Variants in CWC27 observed in about 807,000 individuals in gnomAD.
CWC27 encodes the protein spliceosome-associated protein CWC27 homolog.
Under a neutral mutation model 63.6 loss-of-function variants are expected in CWC27, and 47 were observed. That is an observed-to-expected ratio of 0.74 (90% confidence interval 0.58 to 0.94). The LOEUF is 0.94. Among genes scored for constraint, CWC27 ranks in the 40% least tolerant of loss-of-function variants. The pLI is 0.00. For missense variants in CWC27, 495 were observed against 554.3 expected, an observed-to-expected ratio of 0.89 and a Z score of 1.07; for synonymous variants, 175 against 179.8, an observed-to-expected ratio of 0.97 and a Z score of 0.22.
At chr5:64,821,932 C>A (rs768720753) in intron 10 of CWC27, among the ~76,000 whole-genome samples, 1 of 152,120 alleles carries the variant, frequency 6.6e-6, no homozygotes, top group African/African-American at 2.4e-5. Flanking sequence ...AGTTTGATAT[C>A]CTGATAACTG....
chr5:64,803,595 C>A (rs77889539), intron 9 of CWC27, among the ~76,000 whole-genome samples: 4,170 of 152,092 alleles, frequency 0.027, 197 homozygotes, highest in African/African-American at 0.095. Context: ...GAGCAAAGAT[C>A]TGAAGGAGAT....
chr5:64,942,438 TAAAAA>T (rs35936421), intron 11 of CWC27, among the ~76,000 whole-genome samples: 1 of 96,550 alleles, frequency 1.0e-5, no homozygotes, highest in African/African-American at 4.3e-5. Flanking sequence ...CCTATCTCTT[TAAAAA>T]AAAAAAAAAA....
At chr5:64,866,890 A>G (rs550196674) in intron 10 of CWC27, among the ~76,000 whole-genome samples, 3 of 152,236 alleles carry the variant, frequency 2.0e-5, no homozygotes, top group African/African-American at 4.8e-5. Context: ...AAAGTGTTCT[A>G]TAGATTAGAG....
At chr5:64,894,982 A>T (rs1216866365) in intron 11 of CWC27, among the ~76,000 whole-genome samples, 1 of 152,202 alleles carries the variant, frequency 6.6e-6, no homozygotes, top group Non-Finnish European at 1.5e-5. Context: ...CATTTCCATC[A>T]GTGGGCTACA....
At chr5:64,994,468 G>A (rs192972781) in intron 13 of CWC27, among the ~76,000 whole-genome samples, 189 of 152,168 alleles carry the variant, frequency 1.2e-3, no homozygotes, top group African/African-American at 4.3e-3. Context: ...TCCTGCATCA[G>A]GTAGGCTTTT....
chr5:64,903,228 A>T (rs963656380), intron 11 of CWC27, among the ~76,000 whole-genome samples: 2 of 152,220 alleles, frequency 1.3e-5, no homozygotes, highest in African/African-American at 4.8e-5. Context: ...ATGCACACGT[A>T]TGTTTATTGC....
At chr5:64,925,457 G>A (rs144364749) in intron 11 of CWC27, among the ~76,000 whole-genome samples, 492 of 152,228 alleles carry the variant, frequency 3.2e-3, no homozygotes, top group African/African-American at 8.0e-3. Context: ...AAGAATGTTC[G>A]CCTTAGTCCT....
intron 7 of CWC27, among the ~76,000 whole-genome samples, chr5:64,796,807 C>A (rs1363346982): frequency 8.7e-6 from 1 of 114,308 alleles, no homozygotes; most frequent in African/African-American, 3.6e-5. Context: ...TTCCCTCCCT[C>A]CCTCCCTCCT....
At chr5:64,882,998 A>G (rs1746982676) in intron 10 of CWC27, among the ~76,000 whole-genome samples, 2 of 152,238 alleles carry the variant, frequency 1.3e-5, no homozygotes, top group African/African-American at 4.8e-5. Context: ...GGGGTAATTT[A>G]TAAAGAAAAG....
intron 13 of CWC27, among the ~76,000 whole-genome samples, chr5:65,006,584 C>T (rs946383787): frequency 6.6e-6 from 1 of 151,920 alleles, no homozygotes; most frequent in African/African-American, 2.4e-5. Context: ...TTCTAGAATA[C>T]TTAATTTTTG....
At chr5:64,983,920 T>TC (rs1749372442) in intron 13 of CWC27, among the ~76,000 whole-genome samples, 1 of 152,168 alleles carries the variant, frequency 6.6e-6, no homozygotes, top group African/African-American at 2.4e-5. Flanking sequence ...AACCTGTGCC[T>TC]CCCCAGGTTC....
At chr5:65,008,693 G>T (rs1749892449) in intron 13 of CWC27, among the ~76,000 whole-genome samples, 1 of 152,150 alleles carries the variant, frequency 6.6e-6, no homozygotes, top group South Asian at 2.1e-4. Flanking sequence ...TGCCTCTTAG[G>T]ATTGTCCTAC....
Position 64,801,160 on chromosome 5 carries a change from A to G in CWC27, c.750-142A>G, listed in dbSNP as rs908432372. 155 of 766,570 alleles carry G rather than the reference A, an allele frequency of 2.0e-4. 1 individual carries two copies. The South Asian group carries it at 2.5e-3, about 12-fold the overall frequency. The allele number at this position is 766,570 out of a possible 1,614,324, so 47.5% of individuals were successfully genotyped here. On this transcript the variant is annotated intron_variant, in intron 8 of 13. Transcript: ENST00000381070. Reference sequence around the variant, plus strand: ...TCTAAAGAATGTTTCCATCTGTTCTATAATGCCTTTCTTAAATTCCTATGT... The same window carrying G: ...TCTAAAGAATGTTTCCATCTGTTCTGTAATGCCTTTCTTAAATTCCTATGT...
chr5:64,824,802 G>A (rs1054271402), intron 10 of CWC27, among the ~76,000 whole-genome samples: 1 of 138,306 alleles, frequency 7.2e-6, no homozygotes, highest in South Asian at 2.3e-4. Context: ...GTGCGACCTC[G>A]GCTCACTGCA....
At chr5:64,955,980 C>A (rs1748795475) in intron 11 of CWC27, among the ~76,000 whole-genome samples, 1 of 152,054 alleles carries the variant, frequency 6.6e-6, no homozygotes, top group Non-Finnish European at 1.5e-5. Context: ...CTAAGGAATG[C>A]TTTGTTCACT....
At chr5:64,885,332 A>G in intron 10 of CWC27, 111 bp from the exon 11 acceptor site, 1 of 659,028 alleles carries the variant, frequency 1.5e-6, no homozygotes, top group Non-Finnish European at 2.5e-6. Context: ...TGAATGAATT[A>G]CATTATTCAC....
chr5:65,007,188 C>T (rs1749862947), intron 13 of CWC27, among the ~76,000 whole-genome samples: 1 of 152,122 alleles, frequency 6.6e-6, no homozygotes. Context: ...TCCCAATAAC[C>T]CATAAGCCCA....
intron 11 of CWC27, among the ~76,000 whole-genome samples, chr5:64,961,418 A>C (rs182731190): frequency 9.9e-5 from 15 of 152,138 alleles, no homozygotes; most frequent in South Asian, 2.1e-4. Flanking sequence ...ATATATATAT[A>C]TCTCCTATTT....
chr5:64,866,865 C>T (rs1396745796), intron 10 of CWC27, among the ~76,000 whole-genome samples: 1 of 152,020 alleles, frequency 6.6e-6, no homozygotes, highest in Non-Finnish European at 1.5e-5. Flanking sequence ...AATGTATATT[C>T]TGTTCTCATC....
Sources: allele counts gnomAD v4.1 joint callset (sites outside exome capture counted in the v4.1 genomes callset), GRCh38; gene constraint gnomAD v4.1.1; transcripts MANE v1.5; gene names NCBI Gene and HGNC (gene_info 2026-07-23, HGNC 2026-07-21).